Variants in GAD2 observed in about 807,000 individuals in gnomAD.
GAD2 encodes the protein 65 kDa glutamic acid decarboxylase.
Under a neutral mutation model 80.1 loss-of-function variants are expected in GAD2, and 22 were observed. The ratio of observed to expected loss-of-function variants is 0.27; its 90% confidence interval spans 0.20 to 0.39. GAD2 has a LOEUF of 0.39. GAD2 is among the 10% of genes least tolerant of loss of function. The probability of loss-of-function intolerance (pLI) is 1.00; values close to 1 mark genes in which losing one functional copy is unlikely to be tolerated. For missense variants in GAD2, 624 were observed against 738.4 expected (o/e 0.85, Z 1.80); for synonymous variants, 274 against 256.9 (o/e 1.07, Z -0.64).
chr10:26,254,989 T>A (rs1423679016), intron 8 of GAD2, among the ~76,000 whole-genome samples: 1 of 152,212 alleles, frequency 6.6e-6, no homozygotes, highest in Non-Finnish European at 1.5e-5. Flanking sequence ...TTGGAGATAC[T>A]GAGTTTGACG....
chr10:26,219,019 T>C (rs746359469), intron 3 of GAD2, 24 bp from the exon 4 acceptor site: 4 of 1,476,766 alleles, frequency 2.7e-6, no homozygotes, highest in South Asian at 1.3e-5. Flanking sequence ...AATTAAAATG[T>C]GGCATTTTAA....
In GAD2 at chr10:26,216,958, A is replaced by G; in HGVS notation, c.76+73A>G. 4.5e-6 allele frequency: 6 copies of G among 1,346,358 alleles called. No individual in the cohort carries two copies. The highest frequency in any genetic ancestry group is 6.3e-6 in the Non-Finnish European group (6 of 958,728). 83.4% of individuals were successfully genotyped at this position (1,346,358 alleles called of 1,614,324 possible). On this transcript the variant is annotated intron_variant, in intron 1 of 15. Transcript: ENST00000376261. This position sits in a 1 kb window ranked among gnomAD's most constrained non-coding sequence, Gnocchi z 4.7. ...TGGGGTTTGCGGAACTACGGAGAAG[A>G]CGAAGGAGGTTTTTCCACCTGCAAC...
intron 4 of GAD2, among the ~76,000 whole-genome samples, chr10:26,223,002 A>G (rs1338013476): frequency 1.3e-5 from 2 of 152,356 alleles, no homozygotes; most frequent in East Asian, 3.9e-4. Context: ...GCAAGAGGAG[A>G]AAACTGAATG....
rs943408264 is a variant in GAD2 at position 26,218,733 on chromosome 10, G to A, written c.287-310G>A. Among the ~76,000 whole-genome samples the A allele has an allele frequency of 1.2e-4, 19 of 152,248 alleles. 1 individual carries two copies. The highest frequency in any genetic ancestry group is 8.3e-4 in the South Asian group (4 of 4,818). On this transcript the variant is annotated intron_variant, in intron 3 of 15. Coordinates refer to ENST00000376261, the MANE Select transcript of GAD2 (RefSeq NM_001134366.2). ...TGTAAGATGGTTTACTGAGAAACAC[G>A]TTTAAGACGAACTCCTGTGAACTAG...
chr10:26,291,725 A>G (rs746196005), intron 13 of GAD2, among the ~76,000 whole-genome samples: 3 of 152,206 alleles, frequency 2.0e-5, no homozygotes, highest in Non-Finnish European at 2.9e-5. Context: ...GAGGAAAGCC[A>G]TTTTGAAAAG....
chr10:26,220,780 C>T (rs1001480810), intron 4 of GAD2, among the ~76,000 whole-genome samples: 1 of 152,200 alleles, frequency 6.6e-6, no homozygotes, highest in Non-Finnish European at 1.5e-5. Flanking sequence ...TTTGTGTCTT[C>T]ATCCTTGAAA....
At chr10:26,254,417 G>T (rs1184373535) in intron 8 of GAD2, among the ~76,000 whole-genome samples, 1 of 152,222 alleles carries the variant, frequency 6.6e-6, no homozygotes, top group African/African-American at 2.4e-5. Flanking sequence ...AGGAGGCGGG[G>T]CTCAGGCGGG....
intron 7 of GAD2, among the ~76,000 whole-genome samples, chr10:26,237,503 C>G (rs573809238): frequency 3.3e-5 from 5 of 151,716 alleles, no homozygotes; most frequent in Admixed American, 3.3e-4. Flanking sequence ...ATGACACTGT[C>G]GTTAGAAGGA....
At chr10:26,231,125 A>C (rs1844596302) in intron 7 of GAD2, among the ~76,000 whole-genome samples, 1 of 152,094 alleles carries the variant, frequency 6.6e-6, no homozygotes, top group South Asian at 2.1e-4. Flanking sequence ...TTCCTTCATG[A>C]TCTCTGCCTC....
intron 15 of GAD2, among the ~76,000 whole-genome samples, chr10:26,298,688 G>A (rs374549114): frequency 5.5e-4 from 84 of 152,244 alleles, no homozygotes; most frequent in African/African-American, 1.8e-3. Flanking sequence ...AAGGGCAAGC[G>A]TGATTTATTA....
intron 15 of GAD2, among the ~76,000 whole-genome samples, chr10:26,297,284 G>A (rs368717471): frequency 5.3e-5 from 8 of 152,082 alleles, no homozygotes; most frequent in Admixed American, 2.6e-4. Flanking sequence ...GAAATTTCTC[G>A]CAGTCTTCCA....
chr10:26,300,087 T>A (rs1366079928), intron 15 of GAD2, among the ~76,000 whole-genome samples: 1 of 152,062 alleles, frequency 6.6e-6, no homozygotes, highest in African/African-American at 2.4e-5. Context: ...TGAACTAGAG[T>A]TTAAACTTAA....
At position 26,287,678 on chromosome 10, in the gene GAD2, A is replaced by C. The variant is rs1026414019; in HGVS notation, c.1386+1184A>C. On this transcript the variant is annotated intron_variant, in intron 13 of 15. Transcript: ENST00000376261. ...GCAAGGTTGCCATTTTTGCAGTCTT[A>C]TGTGACAGTTTTTGTTATCTGGTAT... Among the ~76,000 whole-genome samples, 34 of 152,180 alleles carry C rather than the reference A, an allele frequency of 2.2e-4. 1 individual carries two copies. Among genetic ancestry groups the C allele is most frequent in the African/African-American group, 8.0e-4 (33 of 41,444 alleles).
intron 7 of GAD2, among the ~76,000 whole-genome samples, chr10:26,241,101 T>A (rs996169956): frequency 1.3e-5 from 2 of 152,346 alleles, no homozygotes; most frequent in Middle Eastern, 3.4e-3. Flanking sequence ...CTTTACTTTT[T>A]CATTTAGTAG....
chr10:26,234,196 C>T (rs1202786552), intron 7 of GAD2, among the ~76,000 whole-genome samples: 1 of 151,934 alleles, frequency 6.6e-6, no homozygotes, highest in Non-Finnish European at 1.5e-5. Flanking sequence ...TGTTGGTTGG[C>T]GCCTGTAATC....
chr10:26,292,637 A>G, intron 14 of GAD2, 65 bp downstream of exon 14: 2 of 1,185,976 alleles, frequency 1.7e-6, no homozygotes, highest in Non-Finnish European at 2.5e-6. Context: ...CACTGATATG[A>G]TGTAAATGAT....
intron 8 of GAD2, among the ~76,000 whole-genome samples, chr10:26,246,628 TA>T (rs1252279523): frequency 6.6e-6 from 1 of 152,242 alleles, no homozygotes; most frequent in African/African-American, 2.4e-5. Flanking sequence ...TCATTAAATT[TA>T]AAGGAAGCCA....
rs1844386476 is a variant in GAD2, at chr10:26,217,288, A to C, written c.77-322A>C. On this transcript the variant is annotated intron_variant, in intron 1 of 15. Transcript: ENST00000376261. The surrounding 1 kb of genome is among the most constrained non-coding windows in gnomAD (Gnocchi z 4.9). The stretch of plus-strand genomic sequence containing the variant: ...TATCTAGAAAGACAGTCTGCGAAAA[A>C]ATGGATAGCTTCAGTGTTTAGGAAA... Among the ~76,000 whole-genome samples, 1 of 152,196 alleles carries C rather than the reference A, an allele frequency of 6.6e-6. No individual in the cohort carries two copies. Among genetic ancestry groups the C allele is most frequent in the Non-Finnish European group, 1.5e-5 (1 of 68,032 alleles).
intron 7 of GAD2, among the ~76,000 whole-genome samples, chr10:26,235,897 G>A (rs545745876): frequency 2.6e-5 from 4 of 152,190 alleles, no homozygotes; most frequent in Admixed American, 1.3e-4. Flanking sequence ...TATCTTCCGC[G>A]AAACAGCATA....
Sources: allele counts gnomAD v4.1 joint callset (sites outside exome capture counted in the v4.1 genomes callset), GRCh38; gene constraint gnomAD v4.1.1; non-coding constraint Gnocchi (gnomAD v3.1); transcripts MANE v1.5; gene names NCBI Gene and HGNC (gene_info 2026-07-23, HGNC 2026-07-21).